Variants in GJB7 observed in about 807,000 individuals in gnomAD.
GJB7 encodes gap junction beta-7 protein.
For missense variants in GJB7, 253 were observed against 256.8 expected, an observed-to-expected ratio of 0.99 and a Z score of 0.10; for synonymous variants, 87 against 95.2, an observed-to-expected ratio of 0.91 and a Z score of 0.50.
At chr6:87,297,515 T>C (rs777426671) in intron 2 of GJB7, among the ~76,000 whole-genome samples, 5 of 152,176 alleles carry the variant, frequency 3.3e-5, no homozygotes, top group Non-Finnish European at 7.4e-5. Flanking sequence ...TAGTAAAAAG[T>C]AATCAGAAAA....
intron 2 of GJB7, among the ~76,000 whole-genome samples, chr6:87,314,410 A>T (rs1776553830): frequency 6.6e-6 from 1 of 152,146 alleles, no homozygotes; most frequent in Non-Finnish European, 1.5e-5. Context: ...AAGAAGGGTG[A>T]GTTTAGGGGT....
At chr6:87,303,348 G>T (rs1040804833) in intron 2 of GJB7, among the ~76,000 whole-genome samples, 1 of 151,354 alleles carries the variant, frequency 6.6e-6, no homozygotes, top group African/African-American at 2.4e-5. Context: ...CAAGCAAATG[G>T]AAAGCAAAAA....
chr6:87,318,497 C>G (rs2983136), intron 2 of GJB7, among the ~76,000 whole-genome samples: 95,337 of 152,054 alleles, frequency 0.63, 30,339 homozygotes, highest in African/African-American at 0.7. Context: ...GGTCAATCTA[C>G]AGTGGCTTCA....
At chr6:87,323,727 A>G (rs567522634) in intron 1 of GJB7, among the ~76,000 whole-genome samples, 6 of 152,252 alleles carry the variant, frequency 3.9e-5, no homozygotes, top group South Asian at 2.1e-4. Context: ...TAATGCCGCA[A>G]TAAACATACG....
intron 2 of GJB7, chr6:87,299,152 C>T: frequency 2.2e-6 from 1 of 465,008 alleles, no homozygotes; most frequent in Non-Finnish European, 4.3e-6. Flanking sequence ...AAAAGATTAG[C>T]AAAAGTGCTA....
chr6:87,321,796 C>A (rs1562217738), intron 2 of GJB7, among the ~76,000 whole-genome samples: 1 of 152,098 alleles, frequency 6.6e-6, no homozygotes, highest in Non-Finnish European at 1.5e-5. Flanking sequence ...AGGAAACTTA[C>A]AATCATGGTG....
intron 2 of GJB7, among the ~76,000 whole-genome samples, chr6:87,298,020 G>A (rs1562210832): frequency 6.6e-6 from 1 of 152,230 alleles, no homozygotes; most frequent in Non-Finnish European, 1.5e-5. Flanking sequence ...TCAATCAAAA[G>A]TAAGTAAAAG....
intron 2 of GJB7, among the ~76,000 whole-genome samples, chr6:87,307,286 A>G (rs1776445297): frequency 6.6e-6 from 1 of 152,074 alleles, no homozygotes; most frequent in Non-Finnish European, 1.5e-5. Context: ...AAGAAAACAT[A>G]GGCAATACCA....
chr6:87,323,238 C>T (rs183946249), intron 1 of GJB7, among the ~76,000 whole-genome samples, 195 bp from the exon 2 acceptor site: 2 of 151,568 alleles, frequency 1.3e-5, no homozygotes, highest in East Asian at 3.9e-4. Flanking sequence ...GTACTACATC[C>T]AAGAGGTGGA....
intron 2 of GJB7, among the ~76,000 whole-genome samples, chr6:87,294,762 A>C (rs998181919): frequency 3.9e-5 from 6 of 152,192 alleles, no homozygotes; most frequent in African/African-American, 1.4e-4. Context: ...TAGCAACTTG[A>C]GATGTTTAGC....
In GJB7 at chr6:87,329,162, T is replaced by A. The variant is rs1776928441; in HGVS notation, c.-230A>T. The A allele has an allele frequency of 6.4e-6, 1 of 156,164 alleles. No individual in the cohort carries two copies. Among genetic ancestry groups the A allele is most frequent in the African/African-American group, 2.4e-5 (1 of 41,472 alleles). The allele number at this position is 156,164 out of a possible 1,614,324, so 9.7% of individuals were successfully genotyped here. On this transcript the variant is annotated 5_prime_UTR_variant, in exon 1 of 3. Coordinates refer to ENST00000525899, the MANE Select transcript of GJB7 (RefSeq NM_198568.3). ...CCTGCGCCCAGTGTCTGGCACTCCC[T>A]AGTGAGATGAACCCGGTACCTCGAC...
intron 2 of GJB7, among the ~76,000 whole-genome samples, chr6:87,294,947 A>G (rs1486621285): frequency 6.6e-6 from 1 of 152,194 alleles, no homozygotes; most frequent in East Asian, 1.9e-4. Context: ...CTTGCTCAAG[A>G]TGCTTGACTT....
intron 2 of GJB7, among the ~76,000 whole-genome samples, chr6:87,287,461 G>C (rs1432397109): frequency 4.6e-5 from 7 of 152,150 alleles, no homozygotes; most frequent in Non-Finnish European, 1.0e-4. Flanking sequence ...GCAAATGAAG[G>C]CTAAGAGGTA....
intron 2 of GJB7, among the ~76,000 whole-genome samples, chr6:87,303,553 C>G (rs1324296576): frequency 2.0e-5 from 3 of 152,172 alleles, no homozygotes; most frequent in Non-Finnish European, 4.4e-5. Flanking sequence ...TACAAAGAGA[C>G]TTAGACTTCC....
At chr6:87,300,342 G>A (rs1776302386) in intron 2 of GJB7, 1 of 201,216 alleles carries the variant, frequency 5.0e-6, no homozygotes, top group Non-Finnish European at 1.1e-5. Context: ...ATTGGGCGCT[G>A]CTGGGGTGCA....
chr6:87,298,242 C>G (rs1446926746), intron 2 of GJB7, among the ~76,000 whole-genome samples: 1 of 152,192 alleles, frequency 6.6e-6, no homozygotes, highest in Non-Finnish European at 1.5e-5. Context: ...ATTGTGGAAC[C>G]AAGATCACTG....
intron 1 of GJB7, among the ~76,000 whole-genome samples, chr6:87,324,972 A>G (rs1046066367): frequency 6.6e-6 from 1 of 151,942 alleles, no homozygotes; most frequent in African/African-American, 2.4e-5. Flanking sequence ...GTTCTCCTTG[A>G]AGAGGTCCTT....
chr6:87,322,557 C>T (rs1317963042), intron 2 of GJB7: 1 of 152,286 alleles, frequency 6.6e-6, no homozygotes, highest in African/African-American at 2.4e-5. Flanking sequence ...GCGCCCTCCG[C>T]CGCTCTCTCT....
chr6:87,287,442 C>T (rs1333184486), intron 2 of GJB7, among the ~76,000 whole-genome samples: 1 of 152,050 alleles, frequency 6.6e-6, no homozygotes, highest in Non-Finnish European at 1.5e-5. Context: ...ATTCCAGAGC[C>T]CTGAGAAGGC....
Sources: allele counts gnomAD v4.1 joint callset (sites outside exome capture counted in the v4.1 genomes callset), GRCh38; gene constraint gnomAD v4.1.1; transcripts MANE v1.5; gene names NCBI Gene and HGNC (gene_info 2026-07-23, HGNC 2026-07-21).